KLF10: variants seen among roughly 807,000 people sequenced by gnomAD.
The protein encoded by KLF10 is Krueppel-like factor 10.
Under a neutral mutation model 31.6 loss-of-function variants are expected in KLF10, and 17 were observed. That is an observed-to-expected ratio of 0.54 (90% CI 0.37 to 0.81). KLF10 has a LOEUF of 0.81. KLF10 is among the 30% of genes least tolerant of loss of function. The probability of loss-of-function intolerance (pLI) is 0.00; values close to 1 mark genes in which losing one functional copy is unlikely to be tolerated. For missense variants in KLF10, 525 were observed against 598.1 expected, an observed-to-expected ratio of 0.88 and a Z score of 1.27; for synonymous variants, 239 against 215.1, an observed-to-expected ratio of 1.11 and a Z score of -0.97.
rs1827232207 is a variant in KLF10, at chr8:102,652,181, G to T, written c.253C>A (p.His85Asn). 2 of 1,596,456 alleles carry T rather than the reference G, an allele frequency of 1.3e-6. No homozygotes were observed. The highest frequency in any genetic ancestry group is 2.7e-5 in the African/African-American group (2 of 74,474). The change falls in exon 2 of 4, where the codon CAT becomes AAT. Residue 85 changes from histidine to asparagine, a missense_variant. By Grantham distance (68) the His-to-Asn change is moderately conservative. Around this residue, in one of 3 missense-constraint regions of KLF10, gnomAD observed 434 missense variants for 450.7 expected, o/e 0.96. Coordinates refer to ENST00000285407, the MANE Select transcript of KLF10 (RefSeq NM_005655.4). ...ATACTTACAAATGCTGGGATTGTATGAAAATCAGGTGTTCCCGGAAGCAGA... is the reference window on the plus strand; with the variant it reads ...ATACTTACAAATGCTGGGATTGTATTAAAATCAGGTGTTCCCGGAAGCAGA... The part of the protein sequence containing the change: ...ENLLPGTPDF[H>N]TIPAFCLTPP...
At chr8:102,653,978 G>C (rs1827291412) in intron 1 of KLF10, 12 of 985,552 alleles carry the variant, frequency 1.2e-5, no homozygotes, top group Non-Finnish European at 1.4e-5. Flanking sequence ...GCTCACGGGT[G>C]AGTCACTGGG....
rs922583457 is a variant in KLF10, at chr8:102,650,004, G to A, written c.*128C>T. 7.9e-7 allele frequency: 1 copy of A among 1,267,324 alleles called. No individual in the cohort carries two copies. The highest frequency in any genetic ancestry group is 1.5e-5 in the African/African-American group (1 of 66,526). The allele number at this position is 1,267,324 out of a possible 1,614,324, so 78.5% of individuals were successfully genotyped here. A position where few individuals can be genotyped will look rare whatever the true frequency, so the allele number is the denominator to read the frequency against. On this transcript the variant is annotated 3_prime_UTR_variant, in exon 4 of 4. Coordinates refer to ENST00000285407, the MANE Select transcript of KLF10 (RefSeq NM_005655.4). ...CACCTAACCCAGGCGGGGCCTTCGT[G>A]CCAGGCTGTGGGGCTTCTGCTTTAA...
In KLF10 at chr8:102,648,843, C is replaced by G. The variant is rs1199444010; in HGVS notation, c.*1289G>C. On this transcript the variant is annotated 3_prime_UTR_variant, in exon 4 of 4. Transcript: ENST00000285407. ...AAAGTACAACAAAAGAAATATTGTG[C>G]AAATTGTAAGTCACAAGGATTTTTT... 2 of 152,516 alleles carry G rather than the reference C, an allele frequency of 1.3e-5. No homozygotes were observed. The highest frequency in any genetic ancestry group is 2.9e-5 in the Non-Finnish European group (2 of 67,998). The allele number at this position is 152,516 out of a possible 1,614,324, so 9.4% of individuals were successfully genotyped here.
At chr8:102,654,204 G>C (rs1288051227) in intron 1 of KLF10, 1 of 150,304 alleles carries the variant, frequency 6.7e-6, no homozygotes, top group African/African-American at 2.4e-5. Context: ...CCTACTTCCT[G>C]AGCTTGCGGG....
At chr8:102,653,683 C>T in intron 1 of KLF10, 4 of 1,268,708 alleles carry the variant, frequency 3.2e-6, no homozygotes, top group Non-Finnish European at 4.0e-6. Context: ...TAATCGCGCC[C>T]GCCTTTATGT....
intron 1 of KLF10, among the ~76,000 whole-genome samples, chr8:102,653,087 G>C (rs1301208193): frequency 6.6e-6 from 1 of 152,098 alleles, no homozygotes; most frequent in Non-Finnish European, 1.5e-5. Context: ...TCTAAAATTT[G>C]ATCACTTGAT....
intron 1 of KLF10, 56 bp from the exon 2 acceptor site, chr8:102,652,453 C>T: frequency 1.1e-6 from 1 of 898,906 alleles, no homozygotes; most frequent in Middle Eastern, 2.7e-4. Context: ...CCAAATGACA[C>T]ACAGAAAAAT....
intron 1 of KLF10, among the ~76,000 whole-genome samples, chr8:102,653,132 A>C (rs1179065362): frequency 6.6e-6 from 1 of 152,210 alleles, no homozygotes; most frequent in Non-Finnish European, 1.5e-5. Flanking sequence ...ATACATAGAA[A>C]AAAATTCTAA....
rs553384853 is a variant in KLF10, at chr8:102,652,420, C to A, written c.37-23G>T. 21 of 1,391,986 alleles carry A rather than the reference C, an allele frequency of 1.5e-5. No homozygotes were observed. The South Asian group carries it at 2.6e-4, about 17-fold the overall frequency. 86.2% of individuals were successfully genotyped at this position (1,391,986 alleles called of 1,614,324 possible). A position where few individuals can be genotyped will look rare whatever the true frequency, so the allele number is the denominator to read the frequency against. On this transcript the variant is annotated intron_variant, in intron 1 of 3. Transcript: ENST00000285407. ...CTCCTATAAAAACAAAAGAGGAAAG[C>A]TTATAAGCATATTTTTTGTCATCCA... is the stretch of plus-strand genomic sequence containing the variant.
At chr8:102,654,232 C>A (rs1170968951) in intron 1 of KLF10, 1 of 147,232 alleles carries the variant, frequency 6.8e-6, no homozygotes, top group Non-Finnish European at 1.5e-5. Context: ...CCGCGCCCGA[C>A]CCGGGGGAGG....
intron 1 of KLF10, 41 bp from the exon 2 acceptor site, chr8:102,652,438 G>C: frequency 8.7e-7 from 1 of 1,151,960 alleles, no homozygotes; most frequent in Non-Finnish European, 1.2e-6. Context: ...CATATTTTTT[G>C]TCATCCAAAT....
rs939120259 is a variant in KLF10, at chr8:102,655,716, C to T, written c.-115G>A. 59 of 1,217,970 alleles carry T rather than the reference C, an allele frequency of 4.8e-5. No individual in the cohort carries two copies. The highest frequency in any genetic ancestry group is 6.3e-5 in the Non-Finnish European group (53 of 847,946). 75.4% of individuals were successfully genotyped at this position (1,217,970 alleles called of 1,614,324 possible). ...CCGCTCCCGCCGCCGCCGCGCTCAG[C>T]GCCGTCTGCCCCCTCCCCATTCAGG... On this transcript the variant is annotated 5_prime_UTR_variant, in exon 1 of 4. Coordinates refer to ENST00000285407, the MANE Select transcript of KLF10 (RefSeq NM_005655.4).
rs1414465949 is a variant in KLF10, at chr8:102,649,594, A to T, written c.*538T>A. 1 of 156,524 alleles carries T rather than the reference A, an allele frequency of 6.4e-6. No individual in the cohort carries two copies. The highest frequency in any genetic ancestry group is 1.4e-5 in the Non-Finnish European group (1 of 70,276). 9.7% of individuals were successfully genotyped at this position (156,524 alleles called of 1,614,324 possible). ...TAGTGTAAAAATGATAGTTCTAGAT[A>T]TATTTAATCACTACATCCACGATGT... On this transcript the variant is annotated 3_prime_UTR_variant, in exon 4 of 4. Coordinates refer to ENST00000285407, the MANE Select transcript of KLF10 (RefSeq NM_005655.4).
chr8:102,650,050 G>T lies in KLF10; in HGVS notation c.*82C>A. The T allele has an allele frequency of 1.3e-6, 2 of 1,520,380 alleles. No individual in the cohort carries two copies. Among genetic ancestry groups the T allele is most frequent in the South Asian group, 1.3e-5 (1 of 78,518 alleles). 94.2% of individuals were successfully genotyped at this position (1,520,380 alleles called of 1,614,324 possible). On this transcript the variant is annotated 3_prime_UTR_variant, in exon 4 of 4. Transcript: ENST00000285407. ...TTTAAGCCCACGTTGTGGGGCCACAGACTTGCAGTGGAAGCATTTTTACAT... is the reference window on the plus strand; with the variant it reads ...TTTAAGCCCACGTTGTGGGGCCACATACTTGCAGTGGAAGCATTTTTACAT...
chr8:102,650,280 G>C lies in KLF10; in HGVS notation c.1295C>G (p.Pro432Arg), dbSNP rs1303241411. 1 of 1,614,054 alleles carries C rather than the reference G, an allele frequency of 6.2e-7. No individual in the cohort carries two copies. Among genetic ancestry groups the C allele is most frequent in the Non-Finnish European group, 8.5e-7 (1 of 1,180,032 alleles). ...THTGEKKFAC[P>R]MCDRRFMRSD... is the part of the protein sequence containing the mutation. ...CCTCATGAACCGCCGGTCACACATG[G>C]GGCACGCAAATTTCTTCTCACCCGT... The change falls in exon 4 of 4, where the codon CCC becomes CGC. Residue 432 changes from proline to arginine, a missense_variant. Physicochemically the swap from Pro to Arg is moderately radical, Grantham distance 103. Transcript: ENST00000285407.
rs75455872 is a variant in KLF10 at position 102,649,965 on chromosome 8, G to A, written c.*167C>T. The A allele has an allele frequency of 6.7e-3, 5,010 of 749,506 alleles. 156 individuals carry two copies. In the African/African-American group the frequency reaches 0.077, roughly 12 times the overall value. The allele number at this position is 749,506 out of a possible 1,614,324, so 46.4% of individuals were successfully genotyped here. A position where few individuals can be genotyped will look rare whatever the true frequency, so the allele number is the denominator to read the frequency against. ...GCCTTTCTGTGACCTGCCTGTGGCCGAAGCCCTTTTAGTCACCTAACCCAG... is the reference window on the plus strand; with the variant it reads ...GCCTTTCTGTGACCTGCCTGTGGCCAAAGCCCTTTTAGTCACCTAACCCAG... On this transcript the variant is annotated 3_prime_UTR_variant, in exon 4 of 4. Coordinates refer to ENST00000285407, the MANE Select transcript of KLF10 (RefSeq NM_005655.4).
Position 102,655,513 on chromosome 8 carries a change from C to A in KLF10, c.36+53G>T, listed in dbSNP as rs151124752. The A allele has an allele frequency of 0.018, 29,075 of 1,608,798 alleles. 352 individuals are homozygous for A. The highest frequency in any genetic ancestry group is 0.021 in the Non-Finnish European group (25,102 of 1,175,606). On this transcript the variant is annotated intron_variant, in intron 1 of 3. Transcript: ENST00000285407. ...GGCTCGGGGTTCGCGCCCCCTTTGG[C>A]CCCCCAGACAAGACCAGGCGAGGAA...
At position 102,650,329 on chromosome 8, in the gene KLF10, G is replaced by A. The variant is rs1341632934; in HGVS notation, c.1246C>T (p.Leu416=). 6.2e-7 allele frequency: 1 copy of A among 1,614,204 alleles called. No homozygotes were observed. The highest frequency in any genetic ancestry group is 1.1e-5 in the South Asian group (1 of 91,088). ...GTGTGGGTTCGCCTGTGTCTGGACAGTTCATCAGAACGGGCAAACCTCCTT... is the reference window on the plus strand; with the variant it reads ...GTGTGGGTTCGCCTGTGTCTGGACAATTCATCAGAACGGGCAAACCTCCTT... ...CERRFARSDE[L]SRHRRTHTGE... The change falls in exon 4 of 4, where the codon CTG becomes TTG. Residue 416 remains leucine, a synonymous_variant. Coordinates refer to ENST00000285407, the MANE Select transcript of KLF10 (RefSeq NM_005655.4).
intron 3 of KLF10, 21 bp downstream of exon 3, chr8:102,651,128 G>T: frequency 1.3e-6 from 2 of 1,491,560 alleles, no homozygotes; most frequent in South Asian, 1.4e-5. Flanking sequence ...AAACACTAAA[G>T]ATATAAGAAG....
Sources: allele counts gnomAD v4.1 joint callset (sites outside exome capture counted in the v4.1 genomes callset), GRCh38; gene constraint gnomAD v4.1.1; regional missense constraint gnomAD v4.1.1; transcripts MANE v1.5; gene names NCBI Gene and HGNC (gene_info 2026-07-23, HGNC 2026-07-21).